The following DNAAF9 variants were observed in gnomAD, a reference collection of about 807,000 sequenced individuals.
The protein encoded by DNAAF9 is dynein axonemal assembly factor 9.
DNAAF9 carries 90 observed loss-of-function variants against 167.0 expected under a neutral mutation model. That is an observed-to-expected ratio of 0.54 (90% confidence interval 0.45 to 0.64). The LOEUF (loss-of-function observed/expected upper bound fraction) is 0.64. DNAAF9 is among the 30% of genes least tolerant of loss of function. The pLI is 0.00. For missense variants in DNAAF9, 1,315 were observed against 1,442.2 expected (o/e 0.91, Z 1.43); for synonymous variants, 491 against 508.8 (o/e 0.96, Z 0.47).
At chr20:3,329,389 G>A (rs1171063683) in intron 12 of DNAAF9, among the ~76,000 whole-genome samples, 2 of 152,088 alleles carry the variant, frequency 1.3e-5, no homozygotes, top group African/African-American at 4.8e-5. Context: ...GAATTCCTGG[G>A]CTCAAGCCAT....
At chr20:3,406,696 G>A (rs2084061088) in intron 1 of DNAAF9, among the ~76,000 whole-genome samples, 1 of 152,144 alleles carries the variant, frequency 6.6e-6, no homozygotes, top group African/African-American at 2.4e-5. Context: ...GCTTGGGACT[G>A]TGTCTCTACG....
intron 20 of DNAAF9, among the ~76,000 whole-genome samples, chr20:3,307,574 G>A (rs1360499636): frequency 1.3e-5 from 2 of 152,136 alleles, no homozygotes; most frequent in East Asian, 3.9e-4. Flanking sequence ...AGATCTCCCT[G>A]ACTCTTTGTG....
intron 5 of DNAAF9, 29 bp from the exon 6 acceptor site, chr20:3,374,183 T>G: frequency 7.1e-7 from 1 of 1,411,224 alleles, no homozygotes; most frequent in South Asian, 1.2e-5. Flanking sequence ...ACAACACATA[T>G]CAGATACCAT....
At chr20:3,365,662 G>T (rs376277302) in intron 6 of DNAAF9, among the ~76,000 whole-genome samples, 1 of 152,272 alleles carries the variant, frequency 6.6e-6, no homozygotes, top group African/African-American at 2.4e-5. Context: ...AAAGTGCTGG[G>T]ATTACAGGCA....
intron 6 of DNAAF9, among the ~76,000 whole-genome samples, chr20:3,372,416 A>G (rs2083522856): frequency 2.6e-5 from 4 of 152,260 alleles, no homozygotes. Flanking sequence ...GAGAAGACCT[A>G]TAGTAACTCT....
chr20:3,374,051 A>G lies in DNAAF9; in HGVS notation c.609T>C (p.Tyr203=), dbSNP rs2083544377. The change falls in exon 6 of 37, where the codon TAT becomes TAC. Residue 203 remains tyrosine, a synonymous_variant. Transcript: ENST00000252032. ...IGGDGFFTMK[Y]ELQDVSLNLW... The stretch of plus-strand genomic sequence containing the variant: ...GCATACTGCTTTTCATACATACCTC[A>G]TATTTCATGGTAAAAAATCCATCCC... The G allele has an allele frequency of 6.3e-7, 1 of 1,599,532 alleles. No homozygotes were observed. Among genetic ancestry groups the G allele is most frequent in the Non-Finnish European group, 8.6e-7 (1 of 1,166,670 alleles).
intron 20 of DNAAF9, among the ~76,000 whole-genome samples, chr20:3,310,560 C>T (rs111687979): frequency 0.044 from 6,708 of 151,934 alleles, 218 homozygotes; most frequent in African/African-American, 0.094. Context: ...TGGTGCACGC[C>T]TGTAGTCCCA....
rs116559673 is a variant in DNAAF9, at chr20:3,254,092, T to C, written c.3328-273A>G. Among the ~76,000 whole-genome samples, 991 of 152,264 alleles carry C rather than the reference T, an allele frequency of 6.5e-3. 9 individuals carry two copies. Among genetic ancestry groups the C allele is most frequent in the African/African-American group, 0.022 (933 of 41,534 alleles). On this transcript the variant is annotated intron_variant, in intron 35 of 36. Transcript: ENST00000252032. Reference sequence around the variant, plus strand: ...ACACTCTTTTATTTATTTATTTATTTTTTTGAGATAGAGTCTTGCTTTGTC... The same window carrying C: ...ACACTCTTTTATTTATTTATTTATTCTTTTGAGATAGAGTCTTGCTTTGTC...
chr20:3,263,942 G>GT (rs2068439700), intron 31 of DNAAF9, among the ~76,000 whole-genome samples: 1 of 152,222 alleles, frequency 6.6e-6, no homozygotes, highest in African/African-American at 2.4e-5. Context: ...TATGATTACA[G>GT]TAACTTTGCA....
At chr20:3,407,354 C>A in intron 1 of DNAAF9, 121 bp downstream of exon 1, 1 of 847,614 alleles carries the variant, frequency 1.2e-6, no homozygotes, top group Non-Finnish European at 1.6e-6. Flanking sequence ...CTGAGCCGTT[C>A]AGCAAAGAAC....
intron 1 of DNAAF9, among the ~76,000 whole-genome samples, chr20:3,396,796 T>C (rs2083914310): frequency 6.6e-6 from 1 of 151,944 alleles, no homozygotes; most frequent in African/African-American, 2.4e-5. Context: ...GGGGGGAAGA[T>C]TAGTTAAGGT....
intron 23 of DNAAF9, chr20:3,296,645 T>C (rs990934999): frequency 3.8e-6 from 2 of 526,156 alleles, no homozygotes; most frequent in African/African-American, 3.8e-5. Context: ...CCTCCCAAAG[T>C]GTTGGGATTA....
chr20:3,389,897 G>A (rs183744475), intron 1 of DNAAF9, among the ~76,000 whole-genome samples: 2 of 152,084 alleles, frequency 1.3e-5, no homozygotes, highest in Admixed American at 6.5e-5. Flanking sequence ...TTAGCCTGGC[G>A]TGATGGCGTG....
intron 1 of DNAAF9, among the ~76,000 whole-genome samples, chr20:3,405,756 AT>A (rs563443840): frequency 8.6e-4 from 131 of 152,274 alleles, no homozygotes; most frequent in Middle Eastern, 3.4e-3. Flanking sequence ...GGTAGAGATG[AT>A]TTTTTTCCCC....
intron 30 of DNAAF9, among the ~76,000 whole-genome samples, chr20:3,266,677 C>T (rs2122781723): frequency 6.6e-6 from 1 of 151,812 alleles, no homozygotes; most frequent in South Asian, 2.1e-4. Flanking sequence ...TGGGGTTTCA[C>T]CGTGTTGGCC....
chr20:3,315,612 G>A lies in DNAAF9; in HGVS notation c.1590+123C>T. The A allele has an allele frequency of 1.3e-6, 1 of 780,168 alleles. No individual in the cohort carries two copies. Among genetic ancestry groups the A allele is most frequent in the Non-Finnish European group, 2.2e-6 (1 of 445,298 alleles). The allele number at this position is 780,168 out of a possible 1,614,324, so 48.3% of individuals were successfully genotyped here. A position where few individuals can be genotyped will look rare whatever the true frequency, so the allele number is the denominator to read the frequency against. On this transcript the variant is annotated intron_variant, in intron 19 of 36. Coordinates refer to ENST00000252032, the MANE Select transcript of DNAAF9 (RefSeq NM_001009984.3). This position sits in a 1 kb window ranked among gnomAD's most constrained non-coding sequence, Gnocchi z 4.1. Reference sequence around the variant, plus strand: ...GGAAGGGGAGGAATGCAAATAGGAAGTGAAGACAACATAGTGCAAGTCTTT... The same window carrying A: ...GGAAGGGGAGGAATGCAAATAGGAAATGAAGACAACATAGTGCAAGTCTTT...
At chr20:3,288,683 C>A (rs2068895905) in intron 26 of DNAAF9, among the ~76,000 whole-genome samples, 1 of 139,122 alleles carries the variant, frequency 7.2e-6, no homozygotes, top group African/African-American at 2.9e-5. Context: ...GGATGCCTTA[C>A]CTTGGGGTAG....
intron 16 of DNAAF9, among the ~76,000 whole-genome samples, chr20:3,319,082 C>CAAAAAA (rs71195834): frequency 2.8e-5 from 2 of 71,126 alleles, no homozygotes; most frequent in Non-Finnish European, 4.9e-5. Flanking sequence ...GACTCTGTCT[C>CAAAAAA]AAAAAAAAAA....
intron 31 of DNAAF9, among the ~76,000 whole-genome samples, chr20:3,261,959 A>G (rs2068397549): frequency 6.6e-6 from 1 of 152,204 alleles, no homozygotes; most frequent in African/African-American, 2.4e-5. Context: ...GGTGGATGCG[A>G]ACAGAGAAGG....
Sources: allele counts gnomAD v4.1 joint callset (sites outside exome capture counted in the v4.1 genomes callset), GRCh38; gene constraint gnomAD v4.1.1; non-coding constraint Gnocchi (gnomAD v3.1); transcripts MANE v1.5; gene names NCBI Gene and HGNC (gene_info 2026-07-23, HGNC 2026-07-21).